The following TUSC3 variants were observed in gnomAD, a reference collection of about 807,000 sequenced individuals.
TUSC3 encodes dolichyl-diphosphooligosaccharide--protein glycosyltransferase subunit TUSC3.
In TUSC3, 45 loss-of-function variants were observed where a neutral mutation model predicts 44.8. That is an observed-to-expected ratio of 1.00 (90% CI 0.79 to 1.29). TUSC3 has a LOEUF of 1.29. Among genes scored for constraint, TUSC3 ranks in the 50% most tolerant of loss-of-function variants. The pLI is 0.00. For synonymous variants in TUSC3, 212 were observed against 152.9 expected, an observed-to-expected ratio of 1.39 and a Z score of -2.85; for missense variants, 519 against 437.9, an observed-to-expected ratio of 1.19 and a Z score of -1.65.
chr8:15,840,596 A>G, the TUSC3 span, among the ~76,000 whole-genome samples: 1 of 152,154 alleles, frequency 6.6e-6, no homozygotes, highest in Admixed American at 6.5e-5. Flanking sequence ...GTAGGTTTCT[A>G]ATTTCTGAAG....
chr8:15,457,723 A>G (rs1010219524), intron 1 of TUSC3, among the ~76,000 whole-genome samples: 1 of 148,852 alleles, frequency 6.7e-6, no homozygotes, highest in African/African-American at 2.4e-5. Flanking sequence ...TAATAATCTA[A>G]TAAAATAAAA....
chr8:15,592,090 G>C (rs572643199), intron 1 of TUSC3, among the ~76,000 whole-genome samples: 2 of 152,230 alleles, frequency 1.3e-5, no homozygotes, highest in East Asian at 3.9e-4. Flanking sequence ...CATTGGACTT[G>C]GAGATGTAGA....
At chr8:15,816,782 T>C in the TUSC3 span, among the ~76,000 whole-genome samples, 1 of 152,162 alleles carries the variant, frequency 6.6e-6, no homozygotes, top group Non-Finnish European at 1.5e-5. Context: ...TAGCACATAA[T>C]TCAACGTCAT....
intron 2 of TUSC3, among the ~76,000 whole-genome samples, chr8:15,527,646 C>A (rs549922007): frequency 2.0e-5 from 3 of 152,274 alleles, no homozygotes; most frequent in African/African-American, 7.2e-5. Context: ...CTCAAGGGAA[C>A]CTCCCATGTT....
At chr8:15,619,020 A>G (rs1227652912) in intron 1 of TUSC3, among the ~76,000 whole-genome samples, 1 of 152,220 alleles carries the variant, frequency 6.6e-6, no homozygotes, top group East Asian at 1.9e-4. Flanking sequence ...ACTAGTCACA[A>G]GTCGGAACAC....
At chr8:15,844,339 G>A in the TUSC3 span, among the ~76,000 whole-genome samples, 1 of 152,112 alleles carries the variant, frequency 6.6e-6, no homozygotes, top group Non-Finnish European at 1.5e-5. Context: ...GCTAGTTACT[G>A]TGCTTTCAAA....
At chr8:15,779,874 CTG>C in the TUSC3 span, among the ~76,000 whole-genome samples, 2 of 152,188 alleles carry the variant, frequency 1.3e-5, no homozygotes, top group African/African-American at 4.8e-5. Flanking sequence ...ACGCTATAGT[CTG>C]TGTCATACTT....
chr8:15,455,378 T>C (rs1032847749), intron 1 of TUSC3, among the ~76,000 whole-genome samples: 2 of 152,130 alleles, frequency 1.3e-5, no homozygotes, highest in Non-Finnish European at 2.9e-5. Context: ...TGTATATGTA[T>C]GTATATGTGT....
chr8:15,508,705 C>A (rs1038773591), intron 2 of TUSC3, among the ~76,000 whole-genome samples: 2 of 152,088 alleles, frequency 1.3e-5, no homozygotes, highest in Admixed American at 6.5e-5. Context: ...TTGTGATTCA[C>A]CCGCCTGGGC....
At chr8:15,832,748 A>ATG in the TUSC3 span, among the ~76,000 whole-genome samples, 1 of 152,174 alleles carries the variant, frequency 6.6e-6, no homozygotes, top group Admixed American at 6.6e-5. Context: ...AAATATATAT[A>ATG]TGCACCCAAC....
the TUSC3 span, chr8:15,806,570 T>A: frequency 6.8e-7 from 1 of 1,459,986 alleles, no homozygotes; most frequent in Non-Finnish European, 9.6e-7. Context: ...TCCCATAACA[T>A]CCCAGATACT....
At chr8:15,819,316 A>G in the TUSC3 span, among the ~76,000 whole-genome samples, 4 of 152,212 alleles carry the variant, frequency 2.6e-5, no homozygotes, top group East Asian at 3.8e-4. Flanking sequence ...TTAATTTTAC[A>G]GAATTAAAAT....
At chr8:15,709,580 CG>C (rs1358906196) in intron 6 of TUSC3, among the ~76,000 whole-genome samples, 1 of 151,510 alleles carries the variant, frequency 6.6e-6, no homozygotes, top group Non-Finnish European at 1.5e-5. Flanking sequence ...TCTAAGAGCA[CG>C]GGGAAAGCTT....
intron 2 of TUSC3, among the ~76,000 whole-genome samples, chr8:15,512,724 G>T (rs888411723): frequency 6.6e-6 from 1 of 151,650 alleles, no homozygotes; most frequent in African/African-American, 2.4e-5. Flanking sequence ...AGTGAGCTGA[G>T]ATTGCAGCAC....
chr8:15,454,725 TA>T (rs1464801899), intron 1 of TUSC3, among the ~76,000 whole-genome samples: 1 of 152,198 alleles, frequency 6.6e-6, no homozygotes, highest in Non-Finnish European at 1.5e-5. Flanking sequence ...CAGGACCTAA[TA>T]AACTGGACTG....
chr8:15,470,813 T>C (rs1156592123), intron 1 of TUSC3, among the ~76,000 whole-genome samples: 1 of 152,168 alleles, frequency 6.6e-6, no homozygotes, highest in Admixed American at 6.6e-5. Context: ...AGGAAATTGC[T>C]GTGTCTACAT....
intron 6 of TUSC3, among the ~76,000 whole-genome samples, chr8:15,693,873 T>C (rs1441436093): frequency 6.6e-6 from 1 of 152,104 alleles, no homozygotes; most frequent in Non-Finnish European, 1.5e-5. Context: ...GAATGAGTTA[T>C]TTCAAAGAGC....
chr8:15,833,293 C>G, the TUSC3 span, among the ~76,000 whole-genome samples: 1 of 152,096 alleles, frequency 6.6e-6, no homozygotes, highest in Non-Finnish European at 1.5e-5. Flanking sequence ...TTGTGGAAAA[C>G]AATGTGGCAA....
chr8:15,647,546 T>C (rs944481010), intron 2 of TUSC3, among the ~76,000 whole-genome samples: 1 of 152,204 alleles, frequency 6.6e-6, no homozygotes, highest in Non-Finnish European at 1.5e-5. Flanking sequence ...GGTTGCATCA[T>C]AGCTTCACAG....
Sources: allele counts gnomAD v4.1 joint callset (sites outside exome capture counted in the v4.1 genomes callset), GRCh38; gene constraint gnomAD v4.1.1; transcripts MANE v1.5; gene names NCBI Gene and HGNC (gene_info 2026-07-23, HGNC 2026-07-21).